Variants in APBA2 observed in about 807,000 individuals in gnomAD.
APBA2 encodes amyloid beta precursor protein binding family A member 2, also known as amyloid-beta A4 precursor protein-binding family A member 2.
APBA2 carries 30 observed loss-of-function variants against 75.0 expected under a neutral mutation model. That is an observed-to-expected ratio of 0.40 (90% confidence interval 0.30 to 0.54). The LOEUF (loss-of-function observed/expected upper bound fraction) is 0.54, where lower values mean the gene tolerates loss of function less well. APBA2 is among the 20% of genes least tolerant of loss of function. The pLI, the probability that APBA2 is intolerant of heterozygous loss-of-function variation, is 0.49. For synonymous variants in APBA2, 444 were observed against 409.6 expected (o/e 1.08, Z -1.01); for missense variants, 801 against 1,016.1 (o/e 0.79, Z 2.88).
At chr15:29,042,585 T>C (rs928356950) in intron 3 of APBA2, among the ~76,000 whole-genome samples, 4 of 152,142 alleles carry the variant, frequency 2.6e-5, no homozygotes, top group Admixed American at 6.5e-5. Context: ...AAACAAAGTA[T>C]ATTCTGAGGT....
At position 28,991,538 on chromosome 15, in the gene APBA2, C is replaced by T. The variant is rs567986002; in HGVS notation, c.-94-4215C>T. Among the ~76,000 whole-genome samples, 7 of 152,340 alleles carry T rather than the reference C, an allele frequency of 4.6e-5. No individual in the cohort carries two copies. In the South Asian group the frequency reaches 1.2e-3, roughly 27 times the overall value. On this transcript the variant is annotated intron_variant, in intron 2 of 14. Coordinates refer to ENST00000683413, the MANE Select transcript of APBA2 (RefSeq NM_001353788.2). This position sits in a 1 kb window ranked among gnomAD's most constrained non-coding sequence, Gnocchi z 4.7. ...GTTCACTGGCAGCCCAGCCAGCCCACGAAGGCCATGTGAGTGTGAACCCCC... is the reference window on the plus strand; with the variant it reads ...GTTCACTGGCAGCCCAGCCAGCCCATGAAGGCCATGTGAGTGTGAACCCCC...
chr15:28,932,923 T>C (rs2034639429), intron 2 of APBA2, among the ~76,000 whole-genome samples: 1 of 152,152 alleles, frequency 6.6e-6, no homozygotes, highest in Admixed American at 6.5e-5. Context: ...TAATTTATAA[T>C]GAACAGAACA....
chr15:28,989,967 T>A (rs184029858), intron 2 of APBA2, among the ~76,000 whole-genome samples: 1 of 152,178 alleles, frequency 6.6e-6, no homozygotes, highest in Admixed American at 6.5e-5. Context: ...GAAAACAAGG[T>A]CAGTTTAGTA....
At chr15:29,066,901 G>T (rs1297486753) in intron 4 of APBA2, among the ~76,000 whole-genome samples, 1 of 152,102 alleles carries the variant, frequency 6.6e-6, no homozygotes, top group Non-Finnish European at 1.5e-5. Flanking sequence ...TAATTTATAA[G>T]AAAAGAGGTT....
chr15:28,999,365 A>T (rs1435556157), intron 3 of APBA2, among the ~76,000 whole-genome samples: 1 of 152,208 alleles, frequency 6.6e-6, no homozygotes, highest in African/African-American at 2.4e-5. Flanking sequence ...TTCTGTTTGT[A>T]TCAAGAACTC....
At chr15:29,106,881 T>A (rs1441706795) in intron 12 of APBA2, 62 bp downstream of exon 12, 1 of 1,497,334 alleles carries the variant, frequency 6.7e-7, no homozygotes. Context: ...TCATCCCCAC[T>A]TTGCTGCAAT....
chr15:29,031,900 A>T (rs1348706921), intron 3 of APBA2, among the ~76,000 whole-genome samples: 1 of 152,226 alleles, frequency 6.6e-6, no homozygotes, highest in Non-Finnish European at 1.5e-5. Flanking sequence ...AACCACCCCA[A>T]GAAAGTTGAG....
intron 4 of APBA2, among the ~76,000 whole-genome samples, chr15:29,056,799 G>A (rs950255338): frequency 2.0e-5 from 3 of 151,628 alleles, no homozygotes; most frequent in African/African-American, 4.9e-5. Context: ...TACCAGGCCC[G>A]CTGCACGTGG....
At chr15:28,947,162 G>C (rs1304490405) in intron 2 of APBA2, among the ~76,000 whole-genome samples, 1 of 152,204 alleles carries the variant, frequency 6.6e-6, no homozygotes, top group African/African-American at 2.4e-5. Flanking sequence ...GCTCTTGGGA[G>C]GTGAAGGTTC....
rs370937063 is a variant in APBA2 at position 29,015,059 on chromosome 15, C to T, written c.-41+19253C>T. Among the ~76,000 whole-genome samples, 7 of 152,156 alleles carry T rather than the reference C, an allele frequency of 4.6e-5. No homozygotes were observed. In the South Asian group the frequency reaches 6.2e-4, roughly 14 times the overall value. ...AGGTTGTGTTGCAGATGAGCTGAAG[C>T]CACCTTTGATATTCTAGGATTTGTG... is the stretch of plus-strand genomic sequence containing the variant. On this transcript the variant is annotated intron_variant, in intron 3 of 14. Transcript: ENST00000683413.
intron 2 of APBA2, among the ~76,000 whole-genome samples, chr15:28,982,399 C>T (rs2037673315): frequency 6.6e-6 from 1 of 152,154 alleles, no homozygotes; most frequent in Non-Finnish European, 1.5e-5. Context: ...AAGTACCCAT[C>T]CTATGGTGAC....
chr15:28,957,680 C>T (rs1186365283), intron 2 of APBA2, among the ~76,000 whole-genome samples: 1 of 152,190 alleles, frequency 6.6e-6, no homozygotes, highest in Non-Finnish European at 1.5e-5. Flanking sequence ...TGTGGGAGCA[C>T]TGTGGCCTGG....
chr15:29,063,611 G>A (rs111295999), intron 4 of APBA2, among the ~76,000 whole-genome samples: 10 of 143,634 alleles, frequency 7.0e-5, no homozygotes, highest in African/African-American at 7.9e-5. Context: ...TGTATGGGTG[G>A]TGCGGGGAGT....
rs2041310911 is a variant in APBA2 at position 29,046,046 on chromosome 15, C to G, written c.-40-7799C>G. ...CCAGACGTTTTGAGAGTCTGGCAGC[C>G]CGGAAAGGTGGGATTTGGCAGCTAT... On this transcript the variant is annotated intron_variant, in intron 3 of 14. Transcript: ENST00000683413. This position sits in a 1 kb window ranked among gnomAD's most constrained non-coding sequence, Gnocchi z 5.0. Among the ~76,000 whole-genome samples the G allele has an allele frequency of 1.3e-5, 2 of 152,086 alleles. No homozygotes were observed. The highest frequency in any genetic ancestry group is 4.8e-5 in the African/African-American group (2 of 41,392).
At chr15:29,018,853 C>G (rs2039808285) in intron 3 of APBA2, among the ~76,000 whole-genome samples, 1 of 152,216 alleles carries the variant, frequency 6.6e-6, no homozygotes, top group African/African-American at 2.4e-5. Flanking sequence ...TGGGCCCCCA[C>G]TTGCTGCCAG....
intron 13 of APBA2, among the ~76,000 whole-genome samples, chr15:29,113,267 C>T (rs2044840185): frequency 6.6e-6 from 1 of 152,146 alleles, no homozygotes; most frequent in Non-Finnish European, 1.5e-5. Context: ...CCGCTGCACT[C>T]CAGCCTGGGT....
intron 3 of APBA2, among the ~76,000 whole-genome samples, chr15:29,043,846 G>A (rs1357356766): frequency 6.6e-6 from 1 of 152,150 alleles, no homozygotes; most frequent in Non-Finnish European, 1.5e-5. Flanking sequence ...ATTGTTTTTG[G>A]AAGATTAATT....
At chr15:28,892,779 G>A (rs781307685) in intron 1 of APBA2, among the ~76,000 whole-genome samples, 11 of 151,960 alleles carry the variant, frequency 7.2e-5, no homozygotes, top group Non-Finnish European at 1.6e-4. Flanking sequence ...GAATTCCTCC[G>A]AACTGTTGTA....
At chr15:28,972,214 T>C (rs1467569115) in intron 2 of APBA2, among the ~76,000 whole-genome samples, 1 of 152,214 alleles carries the variant, frequency 6.6e-6, no homozygotes, top group Non-Finnish European at 1.5e-5. Flanking sequence ...CCAAAGTGTC[T>C]GTTGGAAAGA....
Sources: gnomAD v4.1 joint callset for allele counts (sites outside exome capture counted in the v4.1 genomes callset) on GRCh38, gnomAD v4.1.1 for gene constraint, Gnocchi (gnomAD v3.1) non-coding constraint, MANE v1.5 for transcripts, NCBI Gene and HGNC (gene_info 2026-07-23, HGNC 2026-07-21) for gene names.